GRM1: variants seen among roughly 807,000 people sequenced by gnomAD.
GRM1 encodes glutamate metabotropic receptor 1.
GRM1 carries 33 observed loss-of-function variants against 90.9 expected under a neutral mutation model. The observed-to-expected ratio is 0.36, with a 90% CI of 0.28 to 0.49. The LOEUF (loss-of-function observed/expected upper bound fraction) is 0.49. Ranked by LOEUF, GRM1 falls within the 20% of genes least tolerant of loss-of-function variation. The probability of loss-of-function intolerance (pLI) is 0.99; values close to 1 mark genes in which losing one functional copy is unlikely to be tolerated. For synonymous variants in GRM1, 700 were observed against 613.2 expected, an observed-to-expected ratio of 1.14 and a Z score of -2.09; for missense variants, 1,190 against 1,534.3, an observed-to-expected ratio of 0.78 and a Z score of 3.75.
intron 2 of GRM1, among the ~76,000 whole-genome samples, chr6:146,274,822 T>C (rs1415016024): frequency 1.3e-5 from 2 of 152,170 alleles, no homozygotes; most frequent in Non-Finnish European, 2.9e-5. Flanking sequence ...AGGACCAAGA[T>C]GTCAATGTCT....
rs181400465 is a variant in GRM1, at chr6:146,170,446, G to A, written c.950+10849G>A. Among the ~76,000 whole-genome samples the A allele has an allele frequency of 4.6e-3, 706 of 152,000 alleles. 3 individuals are homozygous for A. Among genetic ancestry groups the A allele is most frequent in the Non-Finnish European group, 8.7e-3 (589 of 67,954 alleles). On this transcript the variant is annotated intron_variant, in intron 2 of 7. Transcript: ENST00000282753. The stretch of plus-strand genomic sequence containing the variant: ...GTATCTCACATTTCTCTGAGGCTCC[G>A]TTCATTTTTGTTTTTATTGTTGTTC...
chr6:146,132,252 G>T (rs1489079537), intron 1 of GRM1, among the ~76,000 whole-genome samples: 3 of 152,124 alleles, frequency 2.0e-5, no homozygotes, highest in Non-Finnish European at 4.4e-5. Context: ...TCTAGGTTGA[G>T]AATGGATCGG....
chr6:146,091,264 G>T (rs1020515548), intron 1 of GRM1, among the ~76,000 whole-genome samples: 4 of 152,090 alleles, frequency 2.6e-5, no homozygotes, highest in Non-Finnish European at 4.4e-5. Context: ...TGTAGGCAAG[G>T]AGGCAAAGAG....
At chr6:146,282,247 T>C (rs1329537822) in intron 2 of GRM1, among the ~76,000 whole-genome samples, 1 of 152,196 alleles carries the variant, frequency 6.6e-6, no homozygotes, top group Non-Finnish European at 1.5e-5. Context: ...ATCATTCTAT[T>C]AAGGCCTTCA....
intron 2 of GRM1, among the ~76,000 whole-genome samples, chr6:146,199,429 C>T (rs912678048): frequency 6.6e-6 from 1 of 152,196 alleles, no homozygotes; most frequent in Non-Finnish European, 1.5e-5. Flanking sequence ...TCAATGAATT[C>T]TTACTTATTC....
At chr6:146,350,093 G>A (rs1326184642) in intron 3 of GRM1, among the ~76,000 whole-genome samples, 1 of 152,154 alleles carries the variant, frequency 6.6e-6, no homozygotes, top group Non-Finnish European at 1.5e-5. Context: ...AGGATCAAAA[G>A]GAAAAGACTG....
intron 7 of GRM1, among the ~76,000 whole-genome samples, chr6:146,425,917 A>C (rs566127884): frequency 6.0e-4 from 92 of 152,282 alleles, no homozygotes; most frequent in African/African-American, 2.1e-3. Flanking sequence ...CATCTGCCAA[A>C]GGGGCACAGA....
chr6:146,375,013 C>T lies in GRM1; in HGVS notation c.1603-11877C>T, dbSNP rs898206020. Reference sequence around the variant, plus strand: ...TGATGTAGGCACTTACAGCTATAAACTTCCCTCTTAATACTGTTTTTGCTA... The same window carrying T: ...TGATGTAGGCACTTACAGCTATAAATTTCCCTCTTAATACTGTTTTTGCTA... On this transcript the variant is annotated intron_variant, in intron 5 of 7. Coordinates refer to ENST00000282753, the MANE Select transcript of GRM1 (RefSeq NM_001278064.2). Among the ~76,000 whole-genome samples the T allele has an allele frequency of 4.6e-5, 7 of 151,890 alleles. 1 individual carries two copies. The highest frequency in any genetic ancestry group is 1.3e-4 in the Admixed American group (2 of 15,232).
chr6:146,125,210 C>T (rs1776151906), intron 1 of GRM1, among the ~76,000 whole-genome samples: 1 of 152,088 alleles, frequency 6.6e-6, no homozygotes, highest in Non-Finnish European at 1.5e-5. Flanking sequence ...ATATCTTTAT[C>T]ACTCCCAACA....
chr6:146,236,782 G>C (rs886731164), intron 2 of GRM1, among the ~76,000 whole-genome samples: 1 of 150,852 alleles, frequency 6.6e-6, no homozygotes, highest in African/African-American at 2.5e-5. Context: ...GAAGGATCCA[G>C]GTAGGCCTTC....
At chr6:146,190,145 A>G (rs1778888206) in intron 2 of GRM1, among the ~76,000 whole-genome samples, 1 of 152,192 alleles carries the variant, frequency 6.6e-6, no homozygotes, top group Non-Finnish European at 1.5e-5. Context: ...GAAATGGAGT[A>G]AGAGAGGAAG....
At chr6:146,302,168 T>TC (rs1783409840) in intron 2 of GRM1, among the ~76,000 whole-genome samples, 1 of 151,304 alleles carries the variant, frequency 6.6e-6, no homozygotes, top group Admixed American at 6.6e-5. Flanking sequence ...TACCAAACCC[T>TC]CCCCTTCTCC....
intron 2 of GRM1, among the ~76,000 whole-genome samples, chr6:146,226,811 G>T (rs1002774436): frequency 3.5e-4 from 53 of 152,154 alleles, no homozygotes; most frequent in African/African-American, 1.2e-3. Flanking sequence ...TAACTTTGCT[G>T]TTGATCTCTG....
intron 7 of GRM1, among the ~76,000 whole-genome samples, chr6:146,413,953 G>A (rs1777664674): frequency 1.3e-5 from 2 of 152,086 alleles, no homozygotes; most frequent in South Asian, 4.2e-4. Context: ...TTATTCTTCT[G>A]GTGATGAACA....
chr6:146,108,885 A>T (rs1775432937), intron 1 of GRM1, among the ~76,000 whole-genome samples: 2 of 152,184 alleles, frequency 1.3e-5, no homozygotes, highest in African/African-American at 2.4e-5. Flanking sequence ...TAGCAAAGAA[A>T]CTGGTGGTAT....
Position 146,159,518 on chromosome 6 carries a change from T to C in GRM1, c.871T>C (p.Cys291Arg). ...CAAGGCTAGAGTGGTGGTCTGCTTC[T>C]GTGAAGGCATGACAGTGCGAGGACT... ...LPKARVVVCFCEGMTVRGLLS... is the reference protein window; with the variant it reads ...LPKARVVVCFREGMTVRGLLS... The change falls in exon 2 of 8, where the codon TGT becomes CGT. Residue 291 changes from cysteine (C) to arginine (R), a missense_variant. This residue lies in a region of GRM1 where 414 missense variants were observed against 598.4 expected (regional missense o/e 0.69). Transcript: ENST00000282753. 1 of 1,614,184 alleles carries C rather than the reference T, an allele frequency of 6.2e-7. No homozygotes were observed. The highest frequency in any genetic ancestry group is 8.5e-7 in the Non-Finnish European group (1 of 1,180,012).
chr6:146,084,517 G>A (rs1006804429), intron 1 of GRM1, among the ~76,000 whole-genome samples: 7 of 152,086 alleles, frequency 4.6e-5, no homozygotes, highest in African/African-American at 1.2e-4. Context: ...TCAGGAGCAG[G>A]TTGTTAAATT....
intron 4 of GRM1, among the ~76,000 whole-genome samples, chr6:146,356,786 T>C (rs1785600917): frequency 6.6e-6 from 1 of 152,172 alleles, no homozygotes; most frequent in South Asian, 2.1e-4. Flanking sequence ...TTGTAGAATG[T>C]CCTATACCAT....
At chr6:146,285,224 G>T (rs1211132342) in intron 2 of GRM1, among the ~76,000 whole-genome samples, 1 of 152,088 alleles carries the variant, frequency 6.6e-6, no homozygotes, top group Non-Finnish European at 1.5e-5. Context: ...CCAAACTCTT[G>T]ACTTCTCCTT....
Sources: allele counts gnomAD v4.1 joint callset (sites outside exome capture counted in the v4.1 genomes callset), GRCh38; gene constraint gnomAD v4.1.1; regional missense constraint gnomAD v4.1.1; transcripts MANE v1.5; gene names NCBI Gene and HGNC (gene_info 2026-07-23, HGNC 2026-07-21).